KDM4C: variants seen among roughly 807,000 people sequenced by gnomAD.
The protein encoded by KDM4C is lysine demethylase 4C, also known as lysine-specific demethylase 4C.
A neutral mutation model predicts 129.3 loss-of-function variants in KDM4C; 81 were observed. That is an observed-to-expected ratio of 0.63 (90% confidence interval 0.52 to 0.75). The LOEUF (loss-of-function observed/expected upper bound fraction) is 0.75. KDM4C is among the 30% of genes least tolerant of loss of function. The probability of loss-of-function intolerance (pLI) is 0.00; values close to 1 mark genes in which losing one functional copy is unlikely to be tolerated. For synonymous variants in KDM4C, 573 were observed against 456.1 expected, an observed-to-expected ratio of 1.26 and a Z score of -3.26; for missense variants, 1,457 against 1,304.0, an observed-to-expected ratio of 1.12 and a Z score of -1.81.
At chr9:6,760,683 G>C (rs1819285874) in intron 1 of KDM4C, among the ~76,000 whole-genome samples, 1 of 151,940 alleles carries the variant, frequency 6.6e-6, no homozygotes, top group East Asian at 1.9e-4. Context: ...CCATTCTCCT[G>C]CCTCAGCCTC....
Position 6,990,428 on chromosome 9 carries a change from G to C in KDM4C, c.1690G>C (p.Glu564Gln), listed in dbSNP as rs1818521352. Residue 564 changes from glutamate to glutamine, a missense_variant, in exon 12 of 22, where the codon GAG becomes CAG. Transcript: ENST00000381309. The part of the protein sequence containing the change: ...SFKVPSIAEG[E>Q]NKTSKSWRHP... ...GTTCTATAACTAGATAGCAGAGGGA[G>C]AGAACAAAACCTCTAAGAGTTGGCG... 6.2e-7 allele frequency: 1 copy of C among 1,611,156 alleles called. No homozygotes were observed. The highest frequency in any genetic ancestry group is 8.5e-7 in the Non-Finnish European group (1 of 1,178,058).
chr9:6,895,512 C>T (rs1164281221), intron 8 of KDM4C, among the ~76,000 whole-genome samples: 1 of 152,166 alleles, frequency 6.6e-6, no homozygotes, highest in African/African-American at 2.4e-5. Context: ...ATTCAAAGAT[C>T]TCTGGGATTA....
chr9:7,001,984 C>G (rs972526281), intron 12 of KDM4C, among the ~76,000 whole-genome samples: 2 of 152,186 alleles, frequency 1.3e-5, no homozygotes, highest in Admixed American at 6.5e-5. Context: ...CATCCGCCTC[C>G]TGGGTTCAAG....
chr9:7,091,949 G>GTGTT (rs1300164842), intron 17 of KDM4C, among the ~76,000 whole-genome samples: 1 of 152,182 alleles, frequency 6.6e-6, no homozygotes, highest in Non-Finnish European at 1.5e-5. Context: ...GTTTCCTGAA[G>GTGTT]TGTTATTTGT....
chr9:6,901,118 C>G (rs554171351), intron 8 of KDM4C, among the ~76,000 whole-genome samples: 30 of 152,182 alleles, frequency 2.0e-4, no homozygotes, highest in African/African-American at 7.0e-4. Context: ...TGTTTTCTGG[C>G]TCATGATTAC....
intron 3 of KDM4C, among the ~76,000 whole-genome samples, chr9:6,807,948 T>C (rs1301803064): frequency 4.8e-5 from 4 of 83,216 alleles, no homozygotes; most frequent in Non-Finnish European, 9.7e-5. Context: ...GGTGGGGGGG[T>C]CAGCCCCCCG....
intron 17 of KDM4C, among the ~76,000 whole-genome samples, chr9:7,057,534 G>T (rs2132647925): frequency 6.6e-6 from 1 of 152,344 alleles, no homozygotes; most frequent in African/African-American, 2.4e-5. Context: ...GTAAATTATG[G>T]TGATTGTGAG....
At chr9:7,076,681 C>T in intron 17 of KDM4C, 1 of 1,276,438 alleles carries the variant, frequency 7.8e-7, no homozygotes, top group South Asian at 2.9e-5. Flanking sequence ...GATCCTCACA[C>T]CTTTGTGTTT....
At chr9:7,140,115 G>A (rs1055818531) in intron 19 of KDM4C, among the ~76,000 whole-genome samples, 2 of 152,136 alleles carry the variant, frequency 1.3e-5, no homozygotes, top group African/African-American at 4.8e-5. Context: ...AGTTTCAGGT[G>A]TTTCCCATGT....
chr9:6,873,416 G>A (rs115760799), intron 5 of KDM4C, among the ~76,000 whole-genome samples: 91 of 152,316 alleles, frequency 6.0e-4, no homozygotes, highest in African/African-American at 2.0e-3. Flanking sequence ...GTTGTTTAAT[G>A]TAGCCACCTT....
intron 1 of KDM4C, among the ~76,000 whole-genome samples, chr9:6,763,151 C>G (rs1045701286): frequency 5.9e-5 from 9 of 152,102 alleles, no homozygotes; most frequent in African/African-American, 2.2e-4. Context: ...GGAAGCCTAT[C>G]CCCCCTGCTC....
intron 17 of KDM4C, among the ~76,000 whole-genome samples, chr9:7,081,838 G>A (rs749647246): frequency 5.9e-5 from 9 of 152,248 alleles, no homozygotes; most frequent in Middle Eastern, 3.4e-3. Flanking sequence ...TGCTGGTACG[G>A]AAAGGCATGT....
chr9:7,111,058 G>T (rs542488673), intron 18 of KDM4C, among the ~76,000 whole-genome samples: 1 of 151,982 alleles, frequency 6.6e-6, no homozygotes, highest in Non-Finnish European at 1.5e-5. Flanking sequence ...TTCTCCATCC[G>T]ACTTCATTCT....
intron 17 of KDM4C, among the ~76,000 whole-genome samples, chr9:7,094,040 A>G (rs551588715): frequency 1.3e-5 from 2 of 152,338 alleles, no homozygotes; most frequent in East Asian, 1.9e-4. Flanking sequence ...TACGTATGCT[A>G]TCTTTTTAAG....
chr9:7,084,734 C>T (rs952253085), intron 17 of KDM4C, among the ~76,000 whole-genome samples: 17 of 152,182 alleles, frequency 1.1e-4, no homozygotes, highest in African/African-American at 4.1e-4. Flanking sequence ...GTAATACCCT[C>T]AAAGCAATAT....
intron 6 of KDM4C, among the ~76,000 whole-genome samples, chr9:6,885,577 A>T (rs1845124662): frequency 6.6e-6 from 1 of 151,506 alleles, no homozygotes; most frequent in Non-Finnish European, 1.5e-5. Flanking sequence ...GATTCCAAAG[A>T]CCATCTTTGC....
chr9:6,771,233 A>T (rs1429088597), intron 1 of KDM4C, among the ~76,000 whole-genome samples: 1 of 146,624 alleles, frequency 6.8e-6, no homozygotes, highest in South Asian at 2.2e-4. Context: ...ACCTGGCCTG[A>T]TTGTGAATCT....
At chr9:7,163,679 C>T (rs1217899513) in intron 19 of KDM4C, among the ~76,000 whole-genome samples, 2 of 152,076 alleles carry the variant, frequency 1.3e-5, no homozygotes, top group Non-Finnish European at 2.9e-5. Flanking sequence ...CCAGTGTTCT[C>T]GGTACCGCAT....
chr9:7,026,564 G>T (rs775970454), intron 15 of KDM4C, among the ~76,000 whole-genome samples: 23 of 152,082 alleles, frequency 1.5e-4, no homozygotes, highest in African/African-American at 4.8e-4. Flanking sequence ...CCTTGGGATA[G>T]TCTTCTTTGG....
Sources: gnomAD v4.1 joint callset for allele counts (sites outside exome capture counted in the v4.1 genomes callset) on GRCh38, gnomAD v4.1.1 for gene constraint, MANE v1.5 for transcripts, NCBI Gene and HGNC (gene_info 2026-07-23, HGNC 2026-07-21) for gene names.